Variants in RTL9 observed in about 807,000 individuals in gnomAD.
RTL9 encodes the protein retrotransposon Gag-like protein 9.
In RTL9, 19 loss-of-function variants were observed where a neutral mutation model predicts 44.7. That is an observed-to-expected ratio of 0.42 (90% CI 0.30 to 0.62). The LOEUF (loss-of-function observed/expected upper bound fraction) is 0.62, where lower values mean the gene tolerates loss of function less well. RTL9 is among the 20% of genes least tolerant of loss of function. RTL9 has a pLI of 0.16. For missense variants in RTL9, 1,105 were observed against 1,080.6 expected (o/e 1.02, Z -0.32); for synonymous variants, 407 against 398.9 (o/e 1.02, Z -0.24).
At chrX:110,428,543 T>C (rs1297171080) in intron 1 of RTL9, among the ~76,000 whole-genome samples, 1 of 111,753 alleles carries the variant, frequency 8.9e-6, no homozygotes, top group Non-Finnish European at 1.9e-5. Context: ...CGTTGCTTTA[T>C]TGCAATAGCC....
intron 1 of RTL9, among the ~76,000 whole-genome samples, chrX:110,361,671 C>T (rs1288136091): frequency 7.1e-5 from 8 of 112,108 alleles, no homozygotes; most frequent in Non-Finnish European, 1.3e-4. Flanking sequence ...GTATTGCAAG[C>T]GCCTTCTCGC....
At chrX:110,393,837 T>A (rs1301045481) in intron 1 of RTL9, among the ~76,000 whole-genome samples, 1 of 112,705 alleles carries the variant, frequency 8.9e-6, no homozygotes, top group Non-Finnish European at 1.9e-5. Context: ...CAGGATGGGC[T>A]CCGGCCACCT....
upstream of RTL9, among the ~76,000 whole-genome samples, chrX:110,447,749 T>C (rs966750511): frequency 2.7e-5 from 3 of 110,670 alleles, no homozygotes; most frequent in African/African-American, 9.9e-5. Flanking sequence ...TGTTGGTCGT[T>C]AATTATGAGG....
At chrX:110,403,623 T>C (rs1156256543) in intron 1 of RTL9, among the ~76,000 whole-genome samples, 1 of 111,705 alleles carries the variant, frequency 9.0e-6, no homozygotes, top group Non-Finnish European at 1.9e-5. Context: ...AGACTCCCCT[T>C]ACCCAGACTC....
At chrX:110,390,204 T>G (rs1056751327) in intron 1 of RTL9, among the ~76,000 whole-genome samples, 1 of 111,829 alleles carries the variant, frequency 8.9e-6, no homozygotes, top group Non-Finnish European at 1.9e-5. Flanking sequence ...TTTACTGAAT[T>G]CCTACAAGGT....
At chrX:110,359,632 T>C (rs2068249935) in intron 1 of RTL9, among the ~76,000 whole-genome samples, 2 of 111,902 alleles carry the variant, frequency 1.8e-5, no homozygotes, top group African/African-American at 6.5e-5. Flanking sequence ...TATTCATTAA[T>C]TAATTTATTC....
intron 1 of RTL9, among the ~76,000 whole-genome samples, chrX:110,442,783 T>G (rs1603016661): frequency 9.0e-6 from 1 of 111,655 alleles, no homozygotes; most frequent in Admixed American, 9.5e-5. Flanking sequence ...AATAGGTGAC[T>G]ATTCTTGGTA....
chrX:110,443,520 A>G (rs2068893747), intron 1 of RTL9, among the ~76,000 whole-genome samples: 1 of 112,495 alleles, frequency 8.9e-6, no homozygotes, highest in Non-Finnish European at 1.9e-5. Context: ...ACCAAGGTCA[A>G]TGTCAACAGA....
chrX:110,436,422 A>T lies in RTL9; in HGVS notation c.-167-8731A>T, dbSNP rs12557453. Among the ~76,000 whole-genome samples the T allele has an allele frequency of 6.5e-3, 725 of 112,122 alleles. 13 individuals are homozygous for T. The highest frequency in any genetic ancestry group is 0.051 in the Admixed American group (539 of 10,581). On this transcript the variant is annotated intron_variant, in intron 1 of 3. Coordinates refer to the RTL9 transcript ENST00000465301. ...AAACCCACTCTGTATCTTTATAGAG[A>T]TAACTGCTGGAATATGCATTTTAGT...
exon 1 of RTL9, chrX:110,452,754 A>G (rs369348775): frequency 5.6e-5 from 68 of 1,208,987 alleles, no homozygotes; most frequent in Non-Finnish European, 7.2e-5. Flanking sequence ...AATGAGAGCC[A>G]AAGTGTCTGG....
intron 1 of RTL9, among the ~76,000 whole-genome samples, chrX:110,384,727 C>T (rs1346512889): frequency 9.0e-6 from 1 of 110,762 alleles, no homozygotes; most frequent in Non-Finnish European, 1.9e-5. Context: ...GGCTGAGTCA[C>T]TATAAGAGCT....
chrX:110,426,821 G>A (rs1418111569), intron 1 of RTL9: 2 of 111,914 alleles, frequency 1.8e-5, no homozygotes, highest in African/African-American at 3.3e-5. Context: ...TAGGGATTGA[G>A]TGGACAATGA....
chrX:110,370,950 G>C (rs1303188318), intron 1 of RTL9, among the ~76,000 whole-genome samples: 2 of 111,624 alleles, frequency 1.8e-5, no homozygotes, highest in Non-Finnish European at 3.8e-5. Flanking sequence ...CTCCCCATAG[G>C]CCTGACAATT....
upstream of RTL9, among the ~76,000 whole-genome samples, chrX:110,448,168 A>G (rs1035804875): frequency 1.2e-3 from 134 of 110,951 alleles, no homozygotes; most frequent in African/African-American, 4.0e-3. Context: ...CTTCGTTATG[A>G]TCACCATTAC....
chrX:110,444,363 G>C (rs1046614366), intron 1 of RTL9, among the ~76,000 whole-genome samples: 1 of 112,503 alleles, frequency 8.9e-6, no homozygotes, highest in East Asian at 2.8e-4. Context: ...CTGTTTTACA[G>C]GTATATGATC....
rs1038150898 is a variant in RTL9, at chrX:110,453,133, C to T, written c.2516C>T (p.Ala839Val). 6.6e-6 allele frequency: 8 copies of T among 1,209,563 alleles called. No individual in the cohort carries two copies. The highest frequency in any genetic ancestry group is 8.9e-6 in the Non-Finnish European group (8 of 895,032). Residue 839 changes from alanine (A) to valine (V), a missense_variant, in exon 1 of 2, where the codon GCT (alanine) becomes GTT (valine). By Grantham distance (64) the Ala-to-Val change is moderately conservative (BLOSUM62 0). Transcript: ENST00000540313. ...ATGTCATCCATGCCACAAGTGAAGG[C>T]TCCCATCTCTGGAGCAATGTCCATG...
At chrX:110,394,758 C>T (rs2068517761) in intron 1 of RTL9, among the ~76,000 whole-genome samples, 2 of 112,514 alleles carry the variant, frequency 1.8e-5, no homozygotes, top group Non-Finnish European at 3.8e-5. Flanking sequence ...ACTCACTTAA[C>T]CTCTCCGTGC....
At chrX:110,399,454 T>C (rs1000684344) in intron 1 of RTL9, among the ~76,000 whole-genome samples, 14 of 112,335 alleles carry the variant, frequency 1.2e-4, no homozygotes, top group African/African-American at 4.5e-4. Context: ...ATGACCCTGG[T>C]CCCACTGCTT....
chrX:110,422,312 C>T (rs1364197576), intron 1 of RTL9, among the ~76,000 whole-genome samples: 4 of 112,940 alleles, frequency 3.5e-5, no homozygotes, highest in Non-Finnish European at 7.5e-5. Flanking sequence ...CTTTTGTTGT[C>T]CTTACCTGTT....
Sources: gnomAD v4.1 joint callset for allele counts (sites outside exome capture counted in the v4.1 genomes callset) on GRCh38, gnomAD v4.1.1 for gene constraint, MANE v1.5 for transcripts, NCBI Gene and HGNC (gene_info 2026-07-23, HGNC 2026-07-21) for gene names.